STAG1: variants seen among roughly 807,000 people sequenced by gnomAD.
STAG1 encodes the protein cohesin subunit SA-1.
STAG1 carries 26 observed loss-of-function variants against 170.9 expected under a neutral mutation model. The observed-to-expected ratio is 0.15, with a 90% CI of 0.11 to 0.21. The LOEUF (loss-of-function observed/expected upper bound fraction) is 0.21. STAG1 is among the 10% of genes least tolerant of loss of function. The probability of loss-of-function intolerance (pLI) is 1.00; values close to 1 mark genes in which losing one functional copy is unlikely to be tolerated. For synonymous variants in STAG1, 514 were observed against 497.7 expected (o/e 1.03, Z -0.44); for missense variants, 964 against 1,509.5 (o/e 0.64, Z 5.99).
intron 1 of STAG1, among the ~76,000 whole-genome samples, chr3:136,722,286 A>G (rs1176826725): frequency 2.0e-5 from 3 of 152,274 alleles, no homozygotes; most frequent in South Asian, 2.1e-4. Context: ...CCACAAAGAT[A>G]TATCTTTCCG....
chr3:136,642,154 T>C (rs1940826856), intron 1 of STAG1, among the ~76,000 whole-genome samples: 1 of 151,478 alleles, frequency 6.6e-6, no homozygotes, highest in Admixed American at 6.6e-5. Context: ...CTCTTGAAGA[T>C]CAAAAATTAT....
chr3:136,512,096 T>TAAAAAAAAAAA (rs35238532), intron 7 of STAG1, among the ~76,000 whole-genome samples: 4 of 68,246 alleles, frequency 5.9e-5, no homozygotes, highest in Admixed American at 1.9e-4. Flanking sequence ...CTCTACAAAA[T>TAAAAAAAAAAA]AAAAAAAAAA....
intron 13 of STAG1, among the ~76,000 whole-genome samples, chr3:136,459,010 G>A (rs556319909): frequency 2.0e-5 from 3 of 152,116 alleles, no homozygotes; most frequent in Non-Finnish European, 4.4e-5. Context: ...ACAAGGTCAA[G>A]AGATGGAGAC....
chr3:136,401,681 A>G (rs910925362), intron 21 of STAG1, among the ~76,000 whole-genome samples: 3 of 152,030 alleles, frequency 2.0e-5, no homozygotes, highest in African/African-American at 7.2e-5. Context: ...TAGATCTTTT[A>G]CTGCATTTTT....
At chr3:136,643,826 A>G (rs920868457) in intron 1 of STAG1, among the ~76,000 whole-genome samples, 1 of 152,146 alleles carries the variant, frequency 6.6e-6, no homozygotes, top group Non-Finnish European at 1.5e-5. Context: ...TATTCTTGAC[A>G]ACTGAGGAAA....
chr3:136,571,337 G>A (rs1937260108), intron 4 of STAG1, among the ~76,000 whole-genome samples: 1 of 152,194 alleles, frequency 6.6e-6, no homozygotes, highest in Non-Finnish European at 1.5e-5. Flanking sequence ...GGGAGACCAA[G>A]GTGGGCAGAC....
intron 1 of STAG1, among the ~76,000 whole-genome samples, chr3:136,646,880 C>T (rs1941039788): frequency 6.6e-6 from 1 of 151,960 alleles, no homozygotes; most frequent in East Asian, 1.9e-4. Context: ...CCACTGCACT[C>T]CAGCCTGGGC....
chr3:136,702,190 A>G (rs1303158489), intron 1 of STAG1, among the ~76,000 whole-genome samples: 2 of 151,976 alleles, frequency 1.3e-5, no homozygotes, highest in African/African-American at 4.8e-5. Flanking sequence ...GTGTAAAGAC[A>G]TGATCTCACT....
chr3:136,530,327 T>G (rs1327161189), intron 6 of STAG1, among the ~76,000 whole-genome samples: 1 of 152,190 alleles, frequency 6.6e-6, no homozygotes, highest in Non-Finnish European at 1.5e-5. Context: ...AGAAATTCAT[T>G]AAAGTAACAC....
chr3:136,343,504 A>C (rs1936087025), intron 30 of STAG1, among the ~76,000 whole-genome samples: 1 of 152,254 alleles, frequency 6.6e-6, no homozygotes. Flanking sequence ...ATAGGCTCTT[A>C]CAGGTTTTCT....
intron 1 of STAG1, among the ~76,000 whole-genome samples, chr3:136,717,875 T>C (rs1361866065): frequency 6.6e-6 from 1 of 152,184 alleles, no homozygotes; most frequent in African/African-American, 2.4e-5. Flanking sequence ...TGAATTCAAA[T>C]TGGACCTCAT....
At chr3:136,403,669 G>C (rs2087401472) in intron 21 of STAG1, among the ~76,000 whole-genome samples, 1 of 152,000 alleles carries the variant, frequency 6.6e-6, no homozygotes, top group South Asian at 2.1e-4. Flanking sequence ...TTGAAGAATT[G>C]CTTTATTTTG....
intron 14 of STAG1, among the ~76,000 whole-genome samples, chr3:136,447,031 T>C (rs935826630): frequency 4.0e-4 from 60 of 151,162 alleles, no homozygotes; most frequent in Non-Finnish European, 2.2e-4. Context: ...CTCGAACTCC[T>C]GACCTCAGGT....
chr3:136,521,485 T>C, intron 6 of STAG1, 68 bp from the exon 7 acceptor site: 1 of 1,410,854 alleles, frequency 7.1e-7, no homozygotes, highest in Non-Finnish European at 9.8e-7. Flanking sequence ...TTTTTTTTTC[T>C]TCCTACCTAC....
At chr3:136,570,489 A>C (rs190061066) in intron 4 of STAG1, among the ~76,000 whole-genome samples, 1 of 152,362 alleles carries the variant, frequency 6.6e-6, no homozygotes, top group African/African-American at 2.4e-5. Flanking sequence ...TCACAAATAA[A>C]ACTGTTATGT....
At chr3:136,725,144 T>C (rs551684381) in intron 1 of STAG1, among the ~76,000 whole-genome samples, 18 of 152,334 alleles carry the variant, frequency 1.2e-4, no homozygotes, top group Admixed American at 3.9e-4. Flanking sequence ...TTTTCCCGTA[T>C]TTTAAATCAA....
At chr3:136,435,439 T>C (rs2088431185) in intron 15 of STAG1, among the ~76,000 whole-genome samples, 1 of 152,154 alleles carries the variant, frequency 6.6e-6, no homozygotes, top group South Asian at 2.1e-4. Flanking sequence ...ATACTGTCTT[T>C]TCAGCATAAG....
intron 1 of STAG1, among the ~76,000 whole-genome samples, chr3:136,651,935 A>G (rs1266887459): frequency 6.6e-6 from 1 of 152,212 alleles, no homozygotes; most frequent in Non-Finnish European, 1.5e-5. Flanking sequence ...GGGAAGAGGT[A>G]ACACCTGAAG....
At chr3:136,508,049 A>G (rs1027580799) in intron 7 of STAG1, among the ~76,000 whole-genome samples, 12 of 152,200 alleles carry the variant, frequency 7.9e-5, no homozygotes, top group Admixed American at 7.9e-4. Context: ...GACTGAGTGG[A>G]GAGAGTGAAT....
Sources: gnomAD v4.1 joint callset for allele counts (sites outside exome capture counted in the v4.1 genomes callset) on GRCh38, gnomAD v4.1.1 for gene constraint, MANE v1.5 for transcripts, NCBI Gene and HGNC (gene_info 2026-07-23, HGNC 2026-07-21) for gene names.